ZMYM4: variants seen among roughly 807,000 people sequenced by gnomAD.
The protein encoded by ZMYM4 is zinc finger MYM-type containing 4.
ZMYM4 carries 31 observed loss-of-function variants against 183.2 expected under a neutral mutation model. The observed-to-expected ratio is 0.17, with a 90% CI of 0.13 to 0.23. The LOEUF is 0.23. Ranked by LOEUF, ZMYM4 falls within the 10% of genes least tolerant of loss-of-function variation. The probability of loss-of-function intolerance (pLI) is 1.00; values close to 1 mark genes in which losing one functional copy is unlikely to be tolerated. For missense variants in ZMYM4, 1,273 were observed against 1,840.3 expected, an observed-to-expected ratio of 0.69 and a Z score of 5.64; for synonymous variants, 592 against 631.2, an observed-to-expected ratio of 0.94 and a Z score of 0.93.
intron 1 of ZMYM4, chr1:35,308,996 G>A (rs891536321): frequency 1.0e-5 from 10 of 985,318 alleles, no homozygotes; most frequent in Non-Finnish European, 1.2e-5. Context: ...AGGAAAAGTG[G>A]TGTGAATGAC....
At chr1:35,411,987 C>T (rs888873198) in intron 26 of ZMYM4, among the ~76,000 whole-genome samples, 5 of 152,098 alleles carry the variant, frequency 3.3e-5, no homozygotes, top group Admixed American at 6.6e-5. Context: ...GGTTCAACGC[C>T]ATTCTCCTGC....
At chr1:35,352,265 GCGCGCACACACACACACACA>G (rs1643642266) in intron 2 of ZMYM4, among the ~76,000 whole-genome samples, 1 of 85,424 alleles carries the variant, frequency 1.2e-5, no homozygotes, top group Non-Finnish European at 2.4e-5. Flanking sequence ...GCGCACGCGC[GCGCGCACACACACACACACA>G]CACACACACA....
intron 21 of ZMYM4, 36 bp from the exon 22 acceptor site, chr1:35,398,828 T>A (rs1644852901): frequency 6.2e-7 from 1 of 1,601,510 alleles, no homozygotes; most frequent in Non-Finnish European, 8.5e-7. Context: ...GAGGCTATTT[T>A]ATTTTGAGGG....
At position 35,384,841 on chromosome 1, in the gene ZMYM4, CT is replaced by C. The variant is rs748891728; in HGVS notation, c.1570-583del. ...CCAGCATTATTATTTTTTTCTTTTT[CT>C]TTTTTTTTTTTTTTTTTGAGGTGGA... On this transcript the variant is annotated intron_variant, in intron 9 of 29. Coordinates refer to ENST00000314607, the MANE Select transcript of ZMYM4 (RefSeq NM_005095.3). Among the ~76,000 whole-genome samples the C allele has an allele frequency of 9.8e-4, 125 of 127,402 alleles. 1 individual carries two copies. Among genetic ancestry groups the C allele is most frequent in the South Asian group, 1.0e-3 (4 of 3,986 alleles). 83.6% of individuals were successfully genotyped at this position (127,402 alleles called of 152,430 possible). A position where few individuals can be genotyped will look rare whatever the true frequency, so the allele number is the denominator to read the frequency against.
chr1:35,300,557 C>G (rs2148745919), intron 1 of ZMYM4, among the ~76,000 whole-genome samples: 1 of 152,244 alleles, frequency 6.6e-6, no homozygotes, highest in African/African-American at 2.4e-5. Flanking sequence ...TATATTATAT[C>G]ACTAGATGTT....
intron 1 of ZMYM4, among the ~76,000 whole-genome samples, chr1:35,323,497 C>G (rs1192968914): frequency 2.6e-5 from 4 of 151,930 alleles, no homozygotes; most frequent in Non-Finnish European, 5.9e-5. Context: ...TGCTTTCATT[C>G]TTTGGCTTAC....
intron 26 of ZMYM4, among the ~76,000 whole-genome samples, chr1:35,411,985 G>A (rs547531080): frequency 2.1e-4 from 31 of 146,838 alleles, no homozygotes; most frequent in African/African-American, 7.4e-4. Flanking sequence ...TGGGTTCAAC[G>A]CCATTCTCCT....
In ZMYM4 at chr1:35,405,377, T is replaced by G. The variant is rs768976452; in HGVS notation, c.3705T>G (p.Val1235=). The G allele has an allele frequency of 6.2e-7, 1 of 1,604,560 alleles. No homozygotes were observed. Among genetic ancestry groups the G allele is most frequent in the Admixed American group, 1.7e-5 (1 of 57,152 alleles). ...EEQGDLKCGG[V]EQASSSPRSD... ...TTATGTTTCTCTCCTTGTCAGGGGT[T>G]GAACAGGCCTCATCTAGCCCACGTT... Residue 1235 remains valine (V), a synonymous_variant, in exon 25 of 30, where the codon GTT becomes GTG. Coordinates refer to ENST00000314607, the MANE Select transcript of ZMYM4 (RefSeq NM_005095.3).
At chr1:35,327,192 A>G (rs1642541464) in intron 2 of ZMYM4, among the ~76,000 whole-genome samples, 1 of 152,222 alleles carries the variant, frequency 6.6e-6, no homozygotes, top group South Asian at 2.1e-4. Flanking sequence ...ACAGCAAAAT[A>G]ACATTGAATG....
At chr1:35,269,108 C>A (rs765504598) in intron 1 of ZMYM4, 23 bp downstream of exon 1, 16 of 1,545,570 alleles carry the variant, frequency 1.0e-5, no homozygotes, top group Non-Finnish European at 1.4e-5. Context: ...AGGCAGAACT[C>A]GGGCGGCGGG....
Position 35,412,659 on chromosome 1 carries a change from A to G in ZMYM4, c.3949-1313A>G, listed in dbSNP as rs140570200. On this transcript the variant is annotated intron_variant, in intron 26 of 29. Transcript: ENST00000314607. The stretch of plus-strand genomic sequence containing the variant: ...GAGTTTGAATGAGTTTGAATAGTCT[A>G]CTTTTTCTTTATTTTGAACTTTTTC... Among the ~76,000 whole-genome samples, 71 of 152,258 alleles carry G rather than the reference A, an allele frequency of 4.7e-4. 3 individuals are homozygous for G. In the South Asian group the frequency reaches 0.014, roughly 30 times the overall value.
intron 1 of ZMYM4, among the ~76,000 whole-genome samples, chr1:35,290,622 G>T (rs1259627786): frequency 6.6e-6 from 1 of 152,008 alleles, no homozygotes; most frequent in Non-Finnish European, 1.5e-5. Context: ...AGAGATTGGG[G>T]TCTTGCTATG....
chr1:35,286,794 T>A (rs1380727887), intron 1 of ZMYM4, among the ~76,000 whole-genome samples: 1 of 104,750 alleles, frequency 9.5e-6, no homozygotes, highest in African/African-American at 4.4e-5. Context: ...TTTTTTTTTT[T>A]TTTTTTTTTT....
chr1:35,364,808 C>G (rs1558087532), intron 5 of ZMYM4, among the ~76,000 whole-genome samples: 1 of 152,078 alleles, frequency 6.6e-6, no homozygotes, highest in Admixed American at 6.6e-5. Context: ...TCCTAATTCT[C>G]TTTTTTACAC....
intron 2 of ZMYM4, among the ~76,000 whole-genome samples, chr1:35,352,150 G>C (rs1328837026): frequency 6.6e-6 from 1 of 152,152 alleles, no homozygotes; most frequent in Admixed American, 6.5e-5. Context: ...TATAATTCCA[G>C]CATTTTGGGA....
intron 2 of ZMYM4, among the ~76,000 whole-genome samples, chr1:35,352,263 G>A (rs544002917): frequency 0.068 from 4,689 of 69,402 alleles, 138 homozygotes; most frequent in Middle Eastern, 0.11. Flanking sequence ...GCGCGCACGC[G>A]CGCGCGCACA....
intron 1 of ZMYM4, among the ~76,000 whole-genome samples, chr1:35,313,926 G>A (rs1266996266): frequency 1.3e-5 from 2 of 152,230 alleles, no homozygotes; most frequent in Admixed American, 1.3e-4. Flanking sequence ...TTAAAATAGA[G>A]CCTAGCAACC....
intron 9 of ZMYM4, among the ~76,000 whole-genome samples, chr1:35,381,990 CA>C (rs1485788872): frequency 6.6e-6 from 1 of 151,544 alleles, no homozygotes; most frequent in Non-Finnish European, 1.5e-5. Context: ...ACTAAAAATA[CA>C]AAAATTAGCC....
At chr1:35,352,269 GCACACACACACACACACACA>G (rs56011152) in intron 2 of ZMYM4, among the ~76,000 whole-genome samples, 39 of 124,526 alleles carry the variant, frequency 3.1e-4, no homozygotes, top group African/African-American at 4.7e-4. Flanking sequence ...ACGCGCGCGC[GCACACACACACACACACACA>G]CACACACACA....
Sources: gnomAD v4.1 joint callset for allele counts (sites outside exome capture counted in the v4.1 genomes callset) on GRCh38, gnomAD v4.1.1 for gene constraint, MANE v1.5 for transcripts, NCBI Gene and HGNC (gene_info 2026-07-23, HGNC 2026-07-21) for gene names.